GPC3: variants seen among roughly 807,000 people sequenced by gnomAD.
GPC3 encodes the protein glypican-3.
GPC3 carries 3 observed loss-of-function variants against 34.4 expected under a neutral mutation model. That is an observed-to-expected ratio of 0.09 (90% CI 0.04 to 0.23). The LOEUF is 0.23. Among genes scored for constraint, GPC3 ranks in the 10% least tolerant of loss-of-function variants. The pLI, the probability that GPC3 is intolerant of heterozygous loss-of-function variation, is 1.00. For synonymous variants in GPC3, 177 were observed against 174.0 expected (o/e 1.02, Z -0.13); for missense variants, 351 against 445.6 (o/e 0.79, Z 1.91).
intron 7 of GPC3, among the ~76,000 whole-genome samples, chrX:133,586,234 G>A (rs1473305777): frequency 9.0e-6 from 1 of 111,503 alleles, no homozygotes; most frequent in African/African-American, 3.3e-5. Context: ...TTAAAGCATG[G>A]GGAAGGCCTC....
rs184757012 is a variant in GPC3 at position 133,630,307 on chromosome X, C to T, written c.1413+31423G>A. Among the ~76,000 whole-genome samples, 409 of 111,766 alleles carry T rather than the reference C, an allele frequency of 3.7e-3. 2 individuals carry two copies. Among genetic ancestry groups the T allele is most frequent in the African/African-American group, 0.013 (394 of 30,879 alleles). On this transcript the variant is annotated intron_variant, in intron 6 of 7. Coordinates refer to ENST00000370818, the MANE Select transcript of GPC3 (RefSeq NM_004484.4). ...ATCAGGAATGTCAGCTGTTTTTTCA[C>T]CTGCTCCTAGAGGAAATGCTTGGCT... is the stretch of plus-strand genomic sequence containing the variant.
At chrX:133,945,326 G>A (rs1263261346) in intron 2 of GPC3, among the ~76,000 whole-genome samples, 1 of 111,093 alleles carries the variant, frequency 9.0e-6, no homozygotes, top group African/African-American at 3.3e-5. Flanking sequence ...GGGAGGCGGA[G>A]GTTGCAGCGA....
At chrX:133,675,774 G>C (rs2070878355) in intron 5 of GPC3, among the ~76,000 whole-genome samples, 1 of 112,032 alleles carries the variant, frequency 8.9e-6, no homozygotes, top group Non-Finnish European at 1.9e-5. Flanking sequence ...TTAGAAACCA[G>C]TGGCAACCTA....
chrX:133,800,424 G>T (rs748842012), intron 2 of GPC3, among the ~76,000 whole-genome samples: 1 of 111,947 alleles, frequency 8.9e-6, no homozygotes, highest in African/African-American at 3.2e-5. Context: ...CTTGAGCAGA[G>T]AATTCCAAGC....
At chrX:133,732,268 G>A (rs1364601279) in intron 3 of GPC3, among the ~76,000 whole-genome samples, 1 of 111,309 alleles carries the variant, frequency 9.0e-6, no homozygotes, top group East Asian at 2.8e-4. Context: ...CTGACTGGCG[G>A]GCTCATGAAA....
intron 5 of GPC3, among the ~76,000 whole-genome samples, chrX:133,691,091 C>A (rs955059180): frequency 4.5e-5 from 5 of 111,843 alleles, no homozygotes; most frequent in Non-Finnish European, 7.5e-5. Context: ...ACAGGCTTGG[C>A]ACTTAGAAGG....
intron 6 of GPC3, among the ~76,000 whole-genome samples, chrX:133,650,796 A>G (rs1430501208): frequency 9.0e-6 from 1 of 110,946 alleles, no homozygotes; most frequent in Non-Finnish European, 1.9e-5. Flanking sequence ...TCTAGAATGT[A>G]TTGAGTGCCT....
At chrX:133,584,762 A>T (rs977154811) in intron 7 of GPC3, among the ~76,000 whole-genome samples, 8 of 110,936 alleles carry the variant, frequency 7.2e-5, no homozygotes, top group African/African-American at 2.3e-4. Flanking sequence ...TATAGGTGTG[A>T]GCCACTGTGC....
chrX:133,970,706 C>CA (rs767610037), intron 1 of GPC3, among the ~76,000 whole-genome samples: 7 of 69,633 alleles, frequency 1.0e-4, no homozygotes, highest in South Asian at 7.2e-4. Context: ...CGACTCTATG[C>CA]AAAAAAATGA....
chrX:133,873,998 A>C (rs994951652), intron 2 of GPC3, among the ~76,000 whole-genome samples: 2 of 111,584 alleles, frequency 1.8e-5, no homozygotes, highest in African/African-American at 6.5e-5. Context: ...CACAGAAACA[A>C]TACAGTTCTA....
At chrX:133,921,459 C>T (rs2076247363) in intron 2 of GPC3, among the ~76,000 whole-genome samples, 1 of 112,497 alleles carries the variant, frequency 8.9e-6, no homozygotes, top group African/African-American at 3.2e-5. Context: ...ATTTGCTCAG[C>T]AAACATTTCT....
intron 2 of GPC3, among the ~76,000 whole-genome samples, chrX:133,947,980 G>A (rs1179332131): frequency 2.7e-5 from 3 of 110,733 alleles, no homozygotes; most frequent in African/African-American, 9.9e-5. Flanking sequence ...ACAGACTGGC[G>A]GACAGTTAGA....
intron 2 of GPC3, among the ~76,000 whole-genome samples, chrX:133,938,873 G>A (rs1157409347): frequency 8.9e-6 from 1 of 111,970 alleles, no homozygotes; most frequent in African/African-American, 3.2e-5. Flanking sequence ...TTCTAACATA[G>A]TCTCTAAAGA....
chrX:133,823,086 G>A (rs1164676125), intron 2 of GPC3, among the ~76,000 whole-genome samples: 2 of 80,423 alleles, frequency 2.5e-5, no homozygotes, highest in African/African-American at 1.0e-4. Flanking sequence ...CCAAGATCAC[G>A]CCATTGCCCT....
At chrX:133,683,885 G>A (rs763954032) in intron 5 of GPC3, among the ~76,000 whole-genome samples, 1 of 111,663 alleles carries the variant, frequency 9.0e-6, no homozygotes, top group South Asian at 3.8e-4. Context: ...AAGATAAATC[G>A]CTGCTGAAAA....
At chrX:133,955,739 G>A (rs190191331) in intron 1 of GPC3, among the ~76,000 whole-genome samples, 34 of 111,583 alleles carry the variant, frequency 3.0e-4, no homozygotes, top group African/African-American at 1.1e-3. Flanking sequence ...GGGATATAAG[G>A]ATGACTCCCC....
intron 2 of GPC3, among the ~76,000 whole-genome samples, chrX:133,760,780 T>A (rs1399901211): frequency 9.0e-6 from 1 of 111,519 alleles, no homozygotes; most frequent in African/African-American, 3.3e-5. Flanking sequence ...CATATGGGCT[T>A]TGGTTAATAA....
intron 2 of GPC3, among the ~76,000 whole-genome samples, chrX:133,859,926 AG>A (rs780368554): frequency 9.0e-6 from 1 of 111,526 alleles, no homozygotes; most frequent in South Asian, 3.9e-4. Flanking sequence ...TGGAAGGTGA[AG>A]GGGAGGAGAG....
At chrX:133,801,664 G>A (rs1435598456) in intron 2 of GPC3, among the ~76,000 whole-genome samples, 2 of 112,079 alleles carry the variant, frequency 1.8e-5, no homozygotes, top group African/African-American at 6.5e-5. Flanking sequence ...CATTTCAAGG[G>A]ATTTTAATTA....
Sources: allele counts gnomAD v4.1 joint callset (sites outside exome capture counted in the v4.1 genomes callset), GRCh38; gene constraint gnomAD v4.1.1; transcripts MANE v1.5; gene names NCBI Gene and HGNC (gene_info 2026-07-23, HGNC 2026-07-21).